Variants in FILIP1L observed in about 807,000 individuals in gnomAD.
The protein encoded by FILIP1L is filamin A interacting protein 1 like, also known as filamin A-interacting protein 1-like.
Under a neutral mutation model 96.6 loss-of-function variants are expected in FILIP1L, and 55 were observed. The observed-to-expected ratio is 0.57, with a 90% CI of 0.46 to 0.71. The LOEUF (loss-of-function observed/expected upper bound fraction) is 0.71. Among genes scored for constraint, FILIP1L ranks in the 30% least tolerant of loss-of-function variants. The pLI is 0.00. For synonymous variants in FILIP1L, 467 were observed against 473.9 expected, an observed-to-expected ratio of 0.99 and a Z score of 0.19; for missense variants, 1,304 against 1,321.2, an observed-to-expected ratio of 0.99 and a Z score of 0.20.
At chr3:99,910,743 T>C (rs1706761182) in intron 4 of FILIP1L, among the ~76,000 whole-genome samples, 1 of 150,710 alleles carries the variant, frequency 6.6e-6, no homozygotes, top group South Asian at 2.1e-4. Context: ...CCCATACTCT[T>C]CTCAGAACCC....
rs374665665 is a variant in FILIP1L at position 99,885,783 on chromosome 3, CAT to C, written c.606-34715_606-34714del. Among the ~76,000 whole-genome samples the C allele has an allele frequency of 1.1e-3, 175 of 152,326 alleles. No homozygotes were observed. The East Asian group carries it at 0.023, about 20-fold the overall frequency. ...CAAAAGACACACACACAAACACACA[CAT>C]GTACACACAGAGACTTGAAGGCTTT... On this transcript the variant is annotated intron_variant, in intron 4 of 5. Transcript: ENST00000477258.
chr3:99,840,693 A>C (rs1414434281), intron 5 of FILIP1L, among the ~76,000 whole-genome samples: 1 of 152,238 alleles, frequency 6.6e-6, no homozygotes, highest in African/African-American at 2.4e-5. Context: ...GAGGGTGGCA[A>C]GACTTCAAAT....
intron 4 of FILIP1L, among the ~76,000 whole-genome samples, chr3:99,867,639 C>T (rs1944586730): frequency 6.6e-6 from 1 of 152,104 alleles, no homozygotes; most frequent in African/African-American, 2.4e-5. Flanking sequence ...AAGAGCAGTG[C>T]AATTTTGTCT....
chr3:99,921,098 A>T (rs1006049536), intron 4 of FILIP1L, among the ~76,000 whole-genome samples: 1 of 152,162 alleles, frequency 6.6e-6, no homozygotes, highest in African/African-American at 2.4e-5. Flanking sequence ...GGAAGTAAAC[A>T]TTGTTCTTTG....
chr3:100,023,288 C>G (rs1353302257), intron 1 of FILIP1L: 1 of 152,600 alleles, frequency 6.6e-6, no homozygotes, highest in Non-Finnish European at 1.5e-5. Flanking sequence ...TGTCAAAATG[C>G]TATGACAACT....
chr3:99,884,937 A>G (rs995363030), intron 4 of FILIP1L, among the ~76,000 whole-genome samples: 7 of 152,110 alleles, frequency 4.6e-5, no homozygotes, highest in Non-Finnish European at 8.8e-5. Context: ...GACCACAAAT[A>G]TTATTTGCTA....
chr3:99,885,277 G>A (rs1230067518), intron 4 of FILIP1L, among the ~76,000 whole-genome samples: 1 of 152,140 alleles, frequency 6.6e-6, no homozygotes, highest in Admixed American at 6.6e-5. Flanking sequence ...ATGCTTGTAG[G>A]GCTATTTCAT....
At chr3:100,048,165 A>G (rs1383887507) in intron 1 of FILIP1L, among the ~76,000 whole-genome samples, 2 of 152,244 alleles carry the variant, frequency 1.3e-5, no homozygotes, top group African/African-American at 4.8e-5. Context: ...CCAGGTCCCA[A>G]GCTCTGCTGA....
At chr3:99,903,438 G>T (rs1358276633) in intron 4 of FILIP1L, among the ~76,000 whole-genome samples, 1 of 152,016 alleles carries the variant, frequency 6.6e-6, no homozygotes, top group African/African-American at 2.4e-5. Context: ...TTTTAGTAGA[G>T]ACGGGGTTTC....
chr3:99,963,035 C>A (rs1407741606), intron 1 of FILIP1L, among the ~76,000 whole-genome samples: 1 of 152,198 alleles, frequency 6.6e-6, no homozygotes, highest in African/African-American at 2.4e-5. Context: ...GTTTTACCAG[C>A]CGTTGAGGTT....
intron 1 of FILIP1L, among the ~76,000 whole-genome samples, chr3:100,097,415 A>G (rs963379634): frequency 2.0e-5 from 3 of 152,188 alleles, no homozygotes; most frequent in Non-Finnish European, 2.9e-5. Context: ...CACTGACTTG[A>G]ACATCCTCAG....
chr3:99,884,337 G>C (rs1413595088), intron 4 of FILIP1L, among the ~76,000 whole-genome samples: 1 of 152,128 alleles, frequency 6.6e-6, no homozygotes, highest in African/African-American at 2.4e-5. Flanking sequence ...ACATGGAAAA[G>C]ATCACTTAAA....
At chr3:100,103,004 G>A (rs2066335180) in intron 1 of FILIP1L, among the ~76,000 whole-genome samples, 1 of 152,230 alleles carries the variant, frequency 6.6e-6, no homozygotes, top group African/African-American at 2.4e-5. Context: ...ACAGGTGCCA[G>A]TGGAGGAAAA....
At chr3:99,897,273 C>T (rs532539043) in intron 4 of FILIP1L, among the ~76,000 whole-genome samples, 18 of 152,072 alleles carry the variant, frequency 1.2e-4, no homozygotes, top group African/African-American at 4.3e-4. Flanking sequence ...GCAGGAGAAT[C>T]GCTCGAACCC....
chr3:100,089,319 A>G (rs1490536402), intron 1 of FILIP1L, among the ~76,000 whole-genome samples: 1 of 152,180 alleles, frequency 6.6e-6, no homozygotes, highest in Non-Finnish European at 1.5e-5. Context: ...CTATTACTAC[A>G]CGCATATCCA....
chr3:99,936,702 A>G (rs1005133563), intron 1 of FILIP1L, among the ~76,000 whole-genome samples: 1 of 150,372 alleles, frequency 6.7e-6, no homozygotes, highest in Non-Finnish European at 1.5e-5. Context: ...TCACTTGCCA[A>G]AGGTCACACT....
chr3:99,843,984 C>T (rs1943249615), intron 5 of FILIP1L, among the ~76,000 whole-genome samples: 1 of 151,928 alleles, frequency 6.6e-6, no homozygotes, highest in Admixed American at 6.6e-5. Flanking sequence ...ATCCTGAAAC[C>T]ATCCCCCCAA....
At chr3:99,844,058 T>C (rs1337266019) in intron 5 of FILIP1L, among the ~76,000 whole-genome samples, 4 of 150,550 alleles carry the variant, frequency 2.7e-5, no homozygotes, top group African/African-American at 9.8e-5. Context: ...TGGGAACTGC[T>C]GCTGTACAGT....
chr3:100,070,626 G>T lies in FILIP1L; in HGVS notation c.-11+43427C>A, dbSNP rs555640375. On this transcript the variant is annotated intron_variant, in intron 1 of 5. Coordinates refer to ENST00000477258, the MANE Select transcript of FILIP1L (RefSeq NM_001387850.1). ...CTTCATATCATCGTGGGGTTTTTTT[G>T]TTGTTGTTGTTTTTCTTTTTTTGAG... is the stretch of plus-strand genomic sequence containing the variant. Among the ~76,000 whole-genome samples the T allele has an allele frequency of 7.2e-5, 11 of 152,104 alleles. No individual in the cohort carries two copies. In the East Asian group the frequency reaches 1.7e-3, roughly 24 times the overall value.
Sources: allele counts gnomAD v4.1 joint callset (sites outside exome capture counted in the v4.1 genomes callset), GRCh38; gene constraint gnomAD v4.1.1; transcripts MANE v1.5; gene names NCBI Gene and HGNC (gene_info 2026-07-23, HGNC 2026-07-21).